The following GRIN1 variants were observed in gnomAD, a reference collection of about 807,000 sequenced individuals.
GRIN1 encodes the protein glutamate receptor ionotropic, NMDA 1.
GRIN1 carries 38 observed loss-of-function variants against 103.0 expected under a neutral mutation model. The ratio of observed to expected loss-of-function variants is 0.37; its 90% CI spans 0.28 to 0.48. The LOEUF (loss-of-function observed/expected upper bound fraction) is 0.48, where lower values mean the gene tolerates loss of function less well. Ranked by LOEUF, GRIN1 falls within the 20% of genes least tolerant of loss-of-function variation. The pLI is 0.98. For missense variants in GRIN1, 577 were observed against 1,288.9 expected (o/e 0.45, Z 8.46); for synonymous variants, 544 against 532.7 (o/e 1.02, Z -0.29).
chr9:137,157,081 A>G (rs1588718389), intron 6 of GRIN1, 44 bp downstream of exon 6: 9 of 307,054 alleles, frequency 2.9e-5, no homozygotes, highest in African/African-American at 1.0e-4. Context: ...GCTCTTGGGG[A>G]GGTGGGCGGG....
intron 8 of GRIN1, among the ~76,000 whole-genome samples, chr9:137,159,525 G>A (rs1157836226): frequency 6.6e-6 from 1 of 152,188 alleles, no homozygotes; most frequent in African/African-American, 2.4e-5. Flanking sequence ...TGCAGACAGG[G>A]TGGGGTTTTC....
intron 1 of GRIN1, among the ~76,000 whole-genome samples, chr9:137,141,192 T>C (rs1249674271): frequency 6.6e-6 from 1 of 152,192 alleles, no homozygotes; most frequent in Non-Finnish European, 1.5e-5. Context: ...GGCCATGCAG[T>C]GCACGCCCCC....
chr9:137,141,873 G>C (rs1184101814), intron 1 of GRIN1, 140 bp from the exon 2 acceptor site: 28 of 895,332 alleles, frequency 3.1e-5, no homozygotes, highest in Middle Eastern at 4.3e-4. Context: ...CTGGGCCTGG[G>C]CATGTAGCAT....
At position 137,158,684 on chromosome 9, in the gene GRIN1, C is replaced by A; in HGVS notation, c.1177C>A (p.Gln393Lys). 1 of 1,612,728 alleles carries A rather than the reference C, an allele frequency of 6.2e-7. No homozygotes were observed. The highest frequency in any genetic ancestry group is 1.1e-5 in the South Asian group (1 of 91,072). The change falls in exon 8 of 20, where the codon CAG becomes AAG. Residue 393 changes from glutamine (Q) to lysine (K), a missense_variant. Gln to Lys is a moderately conservative substitution (Grantham distance 53, BLOSUM62 1). Transcript: ENST00000371561. ...GGETEKPRGY[Q>K]MSTRLKIVTI... ...AGAGACAGAGAAGCCTCGAGGGTAC[C>A]AGATGTCCACCAGACTGAAGGTGGG...
rs543756903 is a variant in GRIN1, at chr9:137,166,481, G to A, written c.2701-930G>A. Among the ~76,000 whole-genome samples the A allele has an allele frequency of 8.3e-4, 126 of 152,360 alleles. 3 individuals carry two copies. The South Asian group carries it at 0.023, about 28-fold the overall frequency. ...GCAGCATCACCAGAGAGAAGCTTAC[G>A]CCCGGGGGAGGAAGTGCGATTTGCA... On this transcript the variant is annotated intron_variant, in intron 19 of 19. Transcript: ENST00000371561.
At position 137,168,060 on chromosome 9, in the gene GRIN1, GGCAGGGCC is replaced by G; in HGVS notation, c.*541_*548del. 1.6e-6 allele frequency: 1 copy of G among 606,710 alleles called. No individual in the cohort carries two copies. The highest frequency in any genetic ancestry group is 2.0e-5 in the South Asian group (1 of 51,166). The allele number at this position is 606,710 out of a possible 1,614,324, so 37.6% of individuals were successfully genotyped here. Reference sequence around the variant, plus strand: ...GGACGGGGCAGAGCTGAGTCGGCTGGGCAGGGCCGCAGGGCGCTCCGGCAGAGGCAGGG... The same window carrying G: ...GGACGGGGCAGAGCTGAGTCGGCTGGGCAGGGCGCTCCGGCAGAGGCAGGG... On this transcript the variant is annotated 3_prime_UTR_variant, in exon 20 of 20. Transcript: ENST00000371561.
At chr9:137,162,113 T>TGGGGGGGGGGGGGGGGGGGGGGG in intron 11 of GRIN1, 25 bp downstream of exon 11, 2 of 301,250 alleles carry the variant, frequency 6.6e-6, no homozygotes, top group Non-Finnish European at 1.2e-5. Context: ...GGTGGCGGGG[T>TGGGGGGGGGGGGGGGGGGGGGGG]GGCGGCGGGG....
intron 10 of GRIN1, 104 bp from the exon 11 acceptor site, chr9:137,161,820 G>A (rs1046244493): frequency 4.2e-6 from 5 of 1,195,468 alleles, no homozygotes; most frequent in African/African-American, 1.5e-5. Flanking sequence ...AGGGTCTTGG[G>A]GAGAAGACCC....
chr9:137,142,152 G>T lies in GRIN1; in HGVS notation c.393+5G>T. On this transcript the variant is annotated splice_donor_5th_base_variant and intron_variant, in intron 2 of 19. Coordinates refer to ENST00000371561, the MANE Select transcript of GRIN1 (RefSeq NM_007327.4). The stretch of plus-strand genomic sequence containing the variant: ...ATGTCCATCTACTCGGACAAGGTAA[G>T]CCTGACTGCCAGACCAGGCCTTCCG... The T allele has an allele frequency of 6.2e-7, 1 of 1,613,924 alleles. No individual in the cohort carries two copies.
Position 137,146,954 on chromosome 9 carries a change from G to A in GRIN1, c.570+1052G>A, listed in dbSNP as rs959854063. The stretch of plus-strand genomic sequence containing the variant: ...GGGTCTGCTGAGTCTTGGGGGGGAG[G>A]GGCATGGGCACCAAGGGCCCCACCC... On this transcript the variant is annotated intron_variant, in intron 3 of 19. Coordinates refer to ENST00000371561, the MANE Select transcript of GRIN1 (RefSeq NM_007327.4). The surrounding 1 kb of genome is among the most constrained non-coding windows in gnomAD (Gnocchi z 6.7). Among the ~76,000 whole-genome samples, 63 of 151,186 alleles carry A rather than the reference G, an allele frequency of 4.2e-4. No homozygotes were observed. The highest frequency in any genetic ancestry group is 1.5e-3 in the African/African-American group (60 of 41,100).
At chr9:137,167,299 C>T (rs373019078) in intron 19 of GRIN1, 112 bp from the exon 20 acceptor site, 2 of 829,100 alleles carry the variant, frequency 2.4e-6, no homozygotes, top group East Asian at 2.7e-5. Flanking sequence ...GCGGAGATCC[C>T]CTGCCCCTGT....
rs147191626 is a variant in GRIN1 at position 137,152,906 on chromosome 9, G to A, written c.672-3763G>A. Among the ~76,000 whole-genome samples the A allele has an allele frequency of 8.2e-3, 1,131 of 138,638 alleles. 13 individuals carry two copies. Among genetic ancestry groups the A allele is most frequent in the African/African-American group, 0.029 (1,066 of 36,572 alleles). 91.0% of individuals were successfully genotyped at this position (138,638 alleles called of 152,430 possible). A position where few individuals can be genotyped will look rare whatever the true frequency, so the allele number is the denominator to read the frequency against. ...TGTACAGGTCATACACAACACACACGCATGTATGCACATGCCATATACACA... is the reference window on the plus strand; with the variant it reads ...TGTACAGGTCATACACAACACACACACATGTATGCACATGCCATATACACA... On this transcript the variant is annotated intron_variant, in intron 4 of 19. Transcript: ENST00000371561.
chr9:137,164,225 G>A, intron 18 of GRIN1: 1 of 436,140 alleles, frequency 2.3e-6, no homozygotes, highest in South Asian at 2.1e-5. Flanking sequence ...GGTAAGACAG[G>A]GGCCCGCCTG....
At chr9:137,151,121 G>C (rs1387701591) in intron 4 of GRIN1, among the ~76,000 whole-genome samples, 5 of 30,886 alleles carry the variant, frequency 1.6e-4, no homozygotes, top group South Asian at 1.1e-3. Context: ...GAAAAAAGTC[G>C]CGCCCGGGGA....
chr9:137,145,945 T>G (rs1330240619), intron 3 of GRIN1, 43 bp downstream of exon 3: 1 of 1,453,088 alleles, frequency 6.9e-7, no homozygotes, highest in Non-Finnish European at 9.5e-7. Context: ...GGAGCCGAGG[T>G]GCAGGACGGG....
chr9:137,162,983 C>G lies in GRIN1; in HGVS notation c.2151C>G (p.Ala717=). Residue 717 remains alanine (A), a synonymous_variant, in exon 15 of 20, where the codon GCC becomes GCG. Transcript: ENST00000371561. ...ACAACTACGAGAGTGCGGCGGAGGCCATCCAGGCCGTGAGAGACAAGTGAG... is the reference window on the plus strand; with the variant it reads ...ACAACTACGAGAGTGCGGCGGAGGCGATCCAGGCCGTGAGAGACAAGTGAG... ...EKHNYESAAE[A]IQAVRDNKLH... 1 of 1,603,660 alleles carries G rather than the reference C, an allele frequency of 6.2e-7. No individual in the cohort carries two copies. Among genetic ancestry groups the G allele is most frequent in the South Asian group, 1.1e-5 (1 of 89,748 alleles).
intron 3 of GRIN1, chr9:137,148,265 C>T (rs367737118): frequency 1.9e-5 from 24 of 1,261,642 alleles, no homozygotes; most frequent in African/African-American, 3.0e-5. Context: ...GCCCTGGCCT[C>T]GGCGCCTCGG....
chr9:137,150,084 G>A (rs544383367), intron 4 of GRIN1, among the ~76,000 whole-genome samples: 108 of 152,086 alleles, frequency 7.1e-4, no homozygotes, highest in Middle Eastern at 3.2e-3. Flanking sequence ...AGCTGCCCAC[G>A]GGGCCTTACA....
In GRIN1 at chr9:137,162,152, G is replaced by T; in HGVS notation, c.1633-20G>T. 6.5e-7 allele frequency: 1 copy of T among 1,542,944 alleles called. No homozygotes were observed. ...GTCCCTGGAGGGCCCGGGCCGCGCTGACCTCGCGTCCCTCCGCAGGAGATT... is the reference window on the plus strand; with the variant it reads ...GTCCCTGGAGGGCCCGGGCCGCGCTTACCTCGCGTCCCTCCGCAGGAGATT... On this transcript the variant is annotated intron_variant, in intron 11 of 19. Transcript: ENST00000371561.
Sources: gnomAD v4.1 joint callset for allele counts (sites outside exome capture counted in the v4.1 genomes callset) on GRCh38, gnomAD v4.1.1 for gene constraint, Gnocchi (gnomAD v3.1) non-coding constraint, MANE v1.5 for transcripts, NCBI Gene and HGNC (gene_info 2026-07-23, HGNC 2026-07-21) for gene names.